Variants in HDC observed in about 807,000 individuals in gnomAD.
HDC encodes the protein histidine decarboxylase.
Under a neutral mutation model 64.4 loss-of-function variants are expected in HDC, and 27 were observed. That is an observed-to-expected ratio of 0.42 (90% CI 0.31 to 0.58). HDC has a LOEUF of 0.58. HDC is among the 20% of genes least tolerant of loss of function. The probability of loss-of-function intolerance (pLI) is 0.16; values close to 1 mark genes in which losing one functional copy is unlikely to be tolerated. For synonymous variants in HDC, 305 were observed against 314.2 expected, an observed-to-expected ratio of 0.97 and a Z score of 0.31; for missense variants, 711 against 833.9, an observed-to-expected ratio of 0.85 and a Z score of 1.81.
intron 2 of HDC, among the ~76,000 whole-genome samples, chr15:50,261,212 C>T (rs1463528367): frequency 1.3e-5 from 2 of 152,190 alleles, no homozygotes; most frequent in Non-Finnish European, 2.9e-5. Flanking sequence ...AAACAGACCT[C>T]TTTCCAGAAA....
intron 7 of HDC, 123 bp downstream of exon 7, chr15:50,253,477 A>C: frequency 1.1e-6 from 1 of 898,158 alleles, no homozygotes; most frequent in South Asian, 1.3e-5. Context: ...GGTTCTTCCC[A>C]TGTCTCTGCA....
chr15:50,249,408 C>A (rs1301064600), intron 9 of HDC, among the ~76,000 whole-genome samples: 2 of 152,212 alleles, frequency 1.3e-5, no homozygotes, highest in African/African-American at 4.8e-5. Context: ...TATTTATCTG[C>A]CCATACACAA....
At chr15:50,253,767 C>T (rs2045589507) in intron 6 of HDC, 101 bp from the exon 7 acceptor site, 2 of 886,192 alleles carry the variant, frequency 2.3e-6, no homozygotes, top group Non-Finnish European at 3.8e-6. Flanking sequence ...TCCCATCCAT[C>T]CCACCAGAAC....
At chr15:50,243,276 TAATC>T in intron 10 of HDC, 32 bp from the exon 11 acceptor site, 1 of 1,356,304 alleles carries the variant, frequency 7.4e-7, no homozygotes, top group Non-Finnish European at 1.1e-6. Context: ...GAACTGAGAT[TAATC>T]ATCAGACAAG....
chr15:50,253,821 A>C (rs1339088598), intron 6 of HDC, 155 bp from the exon 7 acceptor site: 1 of 718,836 alleles, frequency 1.4e-6, no homozygotes, highest in Non-Finnish European at 2.5e-6. Flanking sequence ...CGTAAGAAAC[A>C]CATTTTATAT....
rs781596252 is a variant in HDC at position 50,254,575 on chromosome 15, A to T, written c.531T>A (p.Asp177Glu). The change falls in exon 5 of 12, where the codon GAT becomes GAA. Residue 177 changes from aspartate (D) to glutamate (E), a missense_variant. Asp to Glu is a conservative substitution (Grantham distance 45). This residue lies in a region of HDC where 225 missense variants were observed against 276.2 expected (regional missense o/e 0.81). Coordinates refer to ENST00000267845, the MANE Select transcript of HDC (RefSeq NM_002112.4). The part of the protein sequence containing the change: ...LEMKTSEPDA[D>E]ESCLNARLVA... ...CGAGTCGGGCATTTAGGCAGGACTC[A>T]TCAGCATCGGGCTCAGACGTTTTCA... The T allele has an allele frequency of 3.1e-6, 5 of 1,614,258 alleles. No individual in the cohort carries two copies. The South Asian group carries it at 5.5e-5, about 18-fold the overall frequency.
At chr15:50,263,630 C>T (rs1436744977) in intron 1 of HDC, among the ~76,000 whole-genome samples, 1 of 152,146 alleles carries the variant, frequency 6.6e-6, no homozygotes, top group Non-Finnish European at 1.5e-5. Flanking sequence ...TCAAACCCCT[C>T]TCTACTAAAA....
In HDC at chr15:50,243,184, G is replaced by A. The variant is rs755956620; in HGVS notation, c.1201C>T (p.Pro401Ser). Residue 401 changes from proline to serine, a missense_variant, in exon 11 of 12, where the codon CCT (proline) becomes TCT (serine). Pro to Ser is a moderately conservative substitution (Grantham distance 74). Around this residue, in one of 3 missense-constraint regions of HDC, gnomAD observed 483 missense variants for 540.9 expected, o/e 0.89. Transcript: ENST00000267845. Reference protein sequence around the residue: ...LVRNDPSFEIPAKRHLGLVVF... With the variant: ...LVRNDPSFEISAKRHLGLVVF... The stretch of plus-strand genomic sequence containing the variant: ...ACCAGGCCAAGGTGCCTCTTGGCAG[G>A]AATTTCAAAGGAAGGGTCGTTTCTG... 1.2e-6 allele frequency: 2 copies of A among 1,614,018 alleles called. No homozygotes were observed. Among genetic ancestry groups the A allele is most frequent in the Non-Finnish European group, 1.7e-6 (2 of 1,179,922 alleles).
rs143383439 is a variant in HDC at position 50,242,693 on chromosome 15, G to A, written c.1556C>T (p.Ala519Val). Residue 519 changes from alanine to valine, a missense_variant, in exon 12 of 12, where the codon GCC (alanine) becomes GTC (valine). Coordinates refer to ENST00000267845, the MANE Select transcript of HDC (RefSeq NM_002112.4). Reference protein sequence around the residue: ...VSGAGDDPVQARKIIKQPQRV... With the variant: ...VSGAGDDPVQVRKIIKQPQRV... Reference sequence around the variant, plus strand: ...CTGAGGCTGCTTGATGATCTTCCTGGCCTGGACTGGATCATCTCCTGCCCC... The same window carrying A: ...CTGAGGCTGCTTGATGATCTTCCTGACCTGGACTGGATCATCTCCTGCCCC... 6.2e-7 allele frequency: 1 copy of A among 1,614,156 alleles called. No individual in the cohort carries two copies. Among genetic ancestry groups the A allele is most frequent in the Non-Finnish European group, 8.5e-7 (1 of 1,180,020 alleles).
Position 50,242,869 on chromosome 15 carries a change from GA to G in HDC, c.1379del (p.Ile460ThrfsTer2). Reference sequence around the variant, plus strand: ...CTCGAATGAGATTCCAGTCTCTCAGGATGTCATCCCTAGTGGTAAACTGGGA... The same window carrying G: ...CTCGAATGAGATTCCAGTCTCTCAGGTGTCATCCCTAGTGGTAAACTGGGA... ...VTSQFTTRDDILRDWNLIRDA... is the reference protein window; with the variant it reads ...VTSQFTTRDDXLRDWNLIRDA... On this transcript the variant is annotated frameshift_variant, in exon 12 of 12. Transcript: ENST00000267845. LOFTEE classifies it high-confidence loss of function. The G allele has an allele frequency of 6.2e-7, 1 of 1,614,024 alleles. No homozygotes were observed. The highest frequency in any genetic ancestry group is 8.5e-7 in the Non-Finnish European group (1 of 1,179,876).
chr15:50,247,813 A>C (rs1002233730), intron 10 of HDC, among the ~76,000 whole-genome samples: 1 of 152,244 alleles, frequency 6.6e-6, no homozygotes, highest in Non-Finnish European at 1.5e-5. Flanking sequence ...CTACCTGTCC[A>C]AGCCAGGGGA....
At chr15:50,252,906 G>A in intron 7 of HDC, 132 bp from the exon 8 acceptor site, 2 of 868,102 alleles carry the variant, frequency 2.3e-6, no homozygotes, top group African/African-American at 1.7e-5. Flanking sequence ...GGGGTGTGGA[G>A]ATGGGAGCAG....
intron 5 of HDC, 70 bp downstream of exon 5, chr15:50,254,460 A>G: frequency 1.2e-6 from 2 of 1,609,656 alleles, no homozygotes; most frequent in Non-Finnish European, 8.5e-7. Context: ...CTAGAAAAAA[A>G]TTGCTCAAGG....
At position 50,248,460 on chromosome 15, in the gene HDC, TG is replaced by T. The variant is rs1204712161; in HGVS notation, c.1042-118del. On this transcript the variant is annotated intron_variant, in intron 9 of 11. Coordinates refer to ENST00000267845, the MANE Select transcript of HDC (RefSeq NM_002112.4). This position sits in a 1 kb window ranked among gnomAD's most constrained non-coding sequence, Gnocchi z 4.3. ...CCTCCAGGGATGGACGATGTCACCA[TG>T]ACTCTGGGAGCTGTTGCTAAGGAGT... The T allele has an allele frequency of 2.4e-4, 180 of 742,014 alleles. 2 individuals are homozygous for T. The East Asian group carries it at 4.8e-3, about 20-fold the overall frequency. The allele number at this position is 742,014 out of a possible 1,614,324, so 46.0% of individuals were successfully genotyped here.
chr15:50,252,788 C>T lies in HDC; in HGVS notation c.788-14G>A, dbSNP rs780660968. 20 of 1,608,246 alleles carry T rather than the reference C, an allele frequency of 1.2e-5. No individual in the cohort carries two copies. In the South Asian group the frequency reaches 2.0e-4, roughly 16 times the overall value. On this transcript the variant is annotated splice_polypyrimidine_tract_variant and intron_variant, in intron 7 of 11. Transcript: ENST00000267845. ...CCTCACGGGCACCTGAGGAGGCAAA[C>T]ATCACCTGGCCGGAGGGGAGGTATG...
intron 4 of HDC, among the ~76,000 whole-genome samples, chr15:50,254,953 G>C (rs1296422212): frequency 6.6e-6 from 1 of 152,132 alleles, no homozygotes; most frequent in Non-Finnish European, 1.5e-5. Context: ...AAACCAAAAA[G>C]AGAATGTTCT....
At chr15:50,256,756 C>T (rs2045637716) in intron 4 of HDC, among the ~76,000 whole-genome samples, 1 of 152,152 alleles carries the variant, frequency 6.6e-6, no homozygotes. Flanking sequence ...GTATTATTAT[C>T]TCTGTCTCAT....
In HDC at chr15:50,259,263, C is replaced by T. The variant is rs921919161; in HGVS notation, c.205-746G>A. Among the ~76,000 whole-genome samples the T allele has an allele frequency of 3.3e-5, 5 of 152,130 alleles. No individual in the cohort carries two copies. The South Asian group carries it at 1.0e-3, about 32-fold the overall frequency. Reference sequence around the variant, plus strand: ...CACCTTTTGTTTTTGTTTTATGGAGCACTGAGCTCCCTGAGCATGCAACTC... The same window carrying T: ...CACCTTTTGTTTTTGTTTTATGGAGTACTGAGCTCCCTGAGCATGCAACTC... On this transcript the variant is annotated intron_variant, in intron 2 of 11. Coordinates refer to ENST00000267845, the MANE Select transcript of HDC (RefSeq NM_002112.4).
intron 10 of HDC, among the ~76,000 whole-genome samples, chr15:50,246,276 C>T (rs895781432): frequency 2.6e-5 from 4 of 152,178 alleles, no homozygotes; most frequent in Non-Finnish European, 5.9e-5. Flanking sequence ...ATTATCATCA[C>T]CGTCAAGTTG....
Sources: gnomAD v4.1 joint callset for allele counts (sites outside exome capture counted in the v4.1 genomes callset) on GRCh38, gnomAD v4.1.1 for gene constraint, gnomAD v4.1.1 regional missense constraint, Gnocchi (gnomAD v3.1) non-coding constraint, MANE v1.5 for transcripts, NCBI Gene and HGNC (gene_info 2026-07-23, HGNC 2026-07-21) for gene names.